The following ADAT2 variants were observed in gnomAD, a reference collection of about 807,000 sequenced individuals.
ADAT2 encodes adenosine deaminase tRNA specific 2.
ADAT2 carries 26 observed loss-of-function variants against 25.9 expected under a neutral mutation model. That is an observed-to-expected ratio of 1.00 (90% CI 0.74 to 1.39). The LOEUF (loss-of-function observed/expected upper bound fraction) is 1.39. ADAT2 is among the 40% of genes most tolerant of loss of function. The pLI is 0.00. For missense variants in ADAT2, 220 were observed against 244.8 expected (o/e 0.90, Z 0.68); for synonymous variants, 76 against 86.8 (o/e 0.88, Z 0.69).
intron 2 of ADAT2, among the ~76,000 whole-genome samples, chr6:143,435,186 C>T (rs928147719): frequency 6.7e-6 from 1 of 149,234 alleles, no homozygotes; most frequent in African/African-American, 2.4e-5. Flanking sequence ...AAGGTTTCCC[C>T]AACTTAGGTG....
At chr6:143,445,689 T>G (rs911950152) in intron 1 of ADAT2, among the ~76,000 whole-genome samples, 4 of 152,152 alleles carry the variant, frequency 2.6e-5, no homozygotes, top group Non-Finnish European at 4.4e-5. Flanking sequence ...TGACTTAATT[T>G]CATCAATTAA....
In ADAT2 at chr6:143,450,581, C is replaced by A; in HGVS notation, c.78G>T (p.Met26Ile). 1 of 1,614,166 alleles carries A rather than the reference C, an allele frequency of 6.2e-7. No homozygotes were observed. The highest frequency in any genetic ancestry group is 8.5e-7 in the Non-Finnish European group (1 of 1,180,040). ...TCCTCACCATGTGCATCGCCTCCTC[C>A]ATCCACTTTTCGGTCTCCTCTGCCG... ...SVSAEETEKW[M>I]EEAMHMAKEA... Residue 26 changes from methionine to isoleucine, a missense_variant, in exon 1 of 6, where the codon ATG becomes ATT. Met to Ile is a conservative substitution (Grantham distance 10). Coordinates refer to ENST00000237283, the MANE Select transcript of ADAT2 (RefSeq NM_182503.3).
chr6:143,436,624 C>T lies in ADAT2; in HGVS notation c.201+1966G>A. ...TGGGGCCGAGAGCAACATGAATGAC[C>T]TGGTATCAGAGTACCAACAGTATCA... On this transcript the variant is annotated intron_variant, in intron 2 of 5. Transcript: ENST00000237283. This position sits in a 1 kb window ranked among gnomAD's most constrained non-coding sequence, Gnocchi z 4.1. The T allele has an allele frequency of 2.5e-6, 1 of 398,528 alleles. No homozygotes were observed. The highest frequency in any genetic ancestry group is 5.1e-6 in the Non-Finnish European group (1 of 197,394). The allele number at this position is 398,528 out of a possible 1,614,324, so 24.7% of individuals were successfully genotyped here.
intron 3 of ADAT2, 40 bp downstream of exon 3, chr6:143,433,791 C>G: frequency 6.4e-7 from 1 of 1,565,620 alleles, no homozygotes; most frequent in Non-Finnish European, 8.7e-7. Flanking sequence ...CTTGTTCACA[C>G]GAATGGTACG....
chr6:143,438,463 A>T, intron 2 of ADAT2, 127 bp downstream of exon 2: 1 of 558,958 alleles, frequency 1.8e-6, no homozygotes, highest in Non-Finnish European at 3.1e-6. Flanking sequence ...AGACGTTAAG[A>T]AAAGCTACCC....
At position 143,434,789 on chromosome 6, in the gene ADAT2, T is replaced by G. The variant is rs150820494; in HGVS notation, c.202-808A>C. Among the ~76,000 whole-genome samples the G allele has an allele frequency of 5.8e-3, 878 of 152,308 alleles. 6 individuals are homozygous for G. The highest frequency in any genetic ancestry group is 0.01 in the Admixed American group (155 of 15,294). On this transcript the variant is annotated intron_variant, in intron 2 of 5. Transcript: ENST00000237283. This position sits in a 1 kb window ranked among gnomAD's most constrained non-coding sequence, Gnocchi z 4.5. ...TTTCTTTCTCCCTTACTAAAATAGC[T>G]TAAAGTGAATCATAGATTCTATATG... is the stretch of plus-strand genomic sequence containing the variant.
rs916526869 is a variant in ADAT2, at chr6:143,442,869, G to C, written c.97-4175C>G. Among the ~76,000 whole-genome samples, 1 of 152,144 alleles carries C rather than the reference G, an allele frequency of 6.6e-6. No homozygotes were observed. The highest frequency in any genetic ancestry group is 2.4e-5 in the African/African-American group (1 of 41,418). ...AAGGTGGTGGCAATTTAGGTGGAATGGTGGAGATGAAAACCAGTAGCTTGA... is the reference window on the plus strand; with the variant it reads ...AAGGTGGTGGCAATTTAGGTGGAATCGTGGAGATGAAAACCAGTAGCTTGA... On this transcript the variant is annotated intron_variant, in intron 1 of 5. Transcript: ENST00000237283. This position sits in a 1 kb window ranked among gnomAD's most constrained non-coding sequence, Gnocchi z 4.6.
chr6:143,443,602 A>T (rs1358762957), intron 1 of ADAT2, among the ~76,000 whole-genome samples: 1 of 152,112 alleles, frequency 6.6e-6, no homozygotes, highest in Non-Finnish European at 1.5e-5. Flanking sequence ...AGGCCAAGGC[A>T]GGTGGATCAT....
intron 4 of ADAT2, among the ~76,000 whole-genome samples, chr6:143,430,810 C>A (rs201964746): frequency 6.6e-6 from 1 of 152,228 alleles, no homozygotes; most frequent in South Asian, 2.1e-4. Context: ...CATGATCTGC[C>A]CGCCTTGGCC....
chr6:143,449,526 T>C (rs1461107586), intron 1 of ADAT2, among the ~76,000 whole-genome samples: 2 of 152,210 alleles, frequency 1.3e-5, no homozygotes, highest in African/African-American at 4.8e-5. Context: ...TTTTAGCATA[T>C]ACAAGTTTCT....
In ADAT2 at chr6:143,450,548, T is replaced by C. The variant is rs1173321603; in HGVS notation, c.96+15A>G. The C allele has an allele frequency of 6.2e-7, 1 of 1,613,752 alleles. No homozygotes were observed. The highest frequency in any genetic ancestry group is 8.5e-7 in the Non-Finnish European group (1 of 1,179,906). ...AAGGTCCCACCCCGCAGCATCTACC[T>C]CCCGGGCTCCTCACCATGTGCATCG... On this transcript the variant is annotated intron_variant, in intron 1 of 5. Transcript: ENST00000237283.
intron 1 of ADAT2, 33 bp downstream of exon 1, chr6:143,450,530 C>G: frequency 1.2e-6 from 2 of 1,610,416 alleles, no homozygotes; most frequent in Non-Finnish European, 8.5e-7. Context: ...AGAAAGGTCC[C>G]ACCCCGCAGC....
intron 1 of ADAT2, among the ~76,000 whole-genome samples, chr6:143,445,939 CT>C (rs1375306530): frequency 6.6e-6 from 1 of 151,868 alleles, no homozygotes; most frequent in Non-Finnish European, 1.5e-5. Context: ...ATACAATTGA[CT>C]TTTTTCTAGA....
chr6:143,438,645 AC>A lies in ADAT2; in HGVS notation c.145del (p.Val49SerfsTer7), dbSNP rs750471901. 5.6e-6 allele frequency: 9 copies of A among 1,613,544 alleles called. No homozygotes were observed. The highest frequency in any genetic ancestry group is 7.6e-6 in the Non-Finnish European group (9 of 1,179,550). ...CTTCCCTACAACTTCATTGTTGTAG[AC>A]CATAAGACAGCCAACAGGAACTTCA... ...NTEVPVGCLM[V>X]YNNEVVGKGR... On this transcript the variant is annotated frameshift_variant, in exon 2 of 6. Coordinates refer to ENST00000237283, the MANE Select transcript of ADAT2 (RefSeq NM_182503.3). LOFTEE classifies it high-confidence loss of function.
intron 1 of ADAT2, 65 bp downstream of exon 1, chr6:143,450,498 C>A: frequency 6.5e-7 from 1 of 1,540,904 alleles, no homozygotes; most frequent in Non-Finnish European, 8.9e-7. Context: ...TGCTCAAATG[C>A]CGGGGTCGGG....
chr6:143,450,309 G>A (rs1779725288), intron 1 of ADAT2, among the ~76,000 whole-genome samples: 1 of 152,172 alleles, frequency 6.6e-6, no homozygotes, highest in Admixed American at 6.5e-5. Context: ...GCCGGCGACA[G>A]AATGTTAAGT....
chr6:143,435,157 TAAAAAAA>T (rs1554278578), intron 2 of ADAT2, among the ~76,000 whole-genome samples: 1 of 122,072 alleles, frequency 8.2e-6, no homozygotes, highest in African/African-American at 3.0e-5. Flanking sequence ...GTGGAGAGTT[TAAAAAAA>T]AAAAAAAAAA....
Position 143,436,573 on chromosome 6 carries a change from G to A in ADAT2, c.201+2017C>T, listed in dbSNP as rs1779289512. ...GGCCTTCCTGCACTGGTACATGGGC[G>A]AGGGCAAGAATGAGATGGAATTCAC... is the stretch of plus-strand genomic sequence containing the variant. On this transcript the variant is annotated intron_variant, in intron 2 of 5. Transcript: ENST00000237283. The surrounding 1 kb of genome is among the most constrained non-coding windows in gnomAD (Gnocchi z 4.1). The A allele has an allele frequency of 4.9e-6, 2 of 411,694 alleles. No individual in the cohort carries two copies. The highest frequency in any genetic ancestry group is 7.5e-5 in the East Asian group (1 of 13,298). The allele number at this position is 411,694 out of a possible 1,614,324, so 25.5% of individuals were successfully genotyped here.
Position 143,437,486 on chromosome 6 carries a change from A to T in ADAT2, c.201+1104T>A, listed in dbSNP as rs1364444955. ...ACTGATTTCTAAGAACTCATTTCTG[A>T]TTAAGGATGTGAACATTTTGTCAAG... On this transcript the variant is annotated intron_variant, in intron 2 of 5. Coordinates refer to ENST00000237283, the MANE Select transcript of ADAT2 (RefSeq NM_182503.3). This position sits in a 1 kb window ranked among gnomAD's most constrained non-coding sequence, Gnocchi z 4.1. Among the ~76,000 whole-genome samples the T allele has an allele frequency of 1.3e-5, 2 of 152,112 alleles. No individual in the cohort carries two copies. The highest frequency in any genetic ancestry group is 2.9e-5 in the Non-Finnish European group (2 of 68,022).
Sources: gnomAD v4.1 joint callset for allele counts (sites outside exome capture counted in the v4.1 genomes callset) on GRCh38, gnomAD v4.1.1 for gene constraint, Gnocchi (gnomAD v3.1) non-coding constraint, MANE v1.5 for transcripts, NCBI Gene and HGNC (gene_info 2026-07-23, HGNC 2026-07-21) for gene names.